The following ZFYVE16 variants were observed in gnomAD, a reference collection of about 807,000 sequenced individuals.
ZFYVE16 encodes the protein zinc finger FYVE-type containing 16, also known as zinc finger FYVE domain-containing protein 16.
Under a neutral mutation model 138.1 loss-of-function variants are expected in ZFYVE16, and 89 were observed. The observed-to-expected ratio is 0.64, with a 90% CI of 0.54 to 0.77. ZFYVE16 has a LOEUF of 0.77. Among genes scored for constraint, ZFYVE16 ranks in the 30% least tolerant of loss-of-function variants. ZFYVE16 has a pLI of 0.00. For synonymous variants in ZFYVE16, 596 were observed against 618.3 expected (o/e 0.96, Z 0.53); for missense variants, 1,793 against 1,786.7 (o/e 1.00, Z -0.06).
At chr5:80,451,918 C>A in intron 11 of ZFYVE16, 3 of 480,986 alleles carry the variant, frequency 6.2e-6, no homozygotes, top group Non-Finnish European at 1.1e-5. Flanking sequence ...TTCATAAGTT[C>A]TTTTATTACC....
chr5:80,469,094 CT>C lies in ZFYVE16; in HGVS notation c.4025-3651del, dbSNP rs60001690. ...TTCTTCTTATTTCTTTTCTTTCTCT[CT>C]TTTTTTTTTTTTTTTGAGACTCATT... On this transcript the variant is annotated intron_variant, in intron 15 of 18. Coordinates refer to ENST00000505560, the MANE Select transcript of ZFYVE16 (RefSeq NM_001284236.3). 4.1e-3 allele frequency among the ~76,000 whole-genome samples: 564 copies of C among 136,552 alleles called. 1 individual carries two copies. The highest frequency in any genetic ancestry group is 0.01 in the African/African-American group (374 of 36,352). 89.6% of individuals were successfully genotyped at this position (136,552 alleles called of 152,430 possible). A position where few individuals can be genotyped will look rare whatever the true frequency, so the allele number is the denominator to read the frequency against.
chr5:80,441,639 A>G (rs1317138593), intron 5 of ZFYVE16: 1 of 984,576 alleles, frequency 1.0e-6, no homozygotes, highest in Non-Finnish European at 1.2e-6. Context: ...GAGATTGTAG[A>G]TAATGAGAAA....
intron 1 of ZFYVE16, among the ~76,000 whole-genome samples, chr5:80,417,201 A>C (rs1746382767): frequency 6.6e-6 from 1 of 152,208 alleles, no homozygotes; most frequent in Non-Finnish European, 1.5e-5. Flanking sequence ...TTTATCAACT[A>C]GGGTAGAGTG....
In ZFYVE16 at chr5:80,433,280, A is replaced by C. The variant is rs189471163; in HGVS notation, c.-39-829A>C. ...CCATAAAAGAGGATGAGTTCATGTCATTTGTAGGGACATGGATGAAGCTGG... is the reference window on the plus strand; with the variant it reads ...CCATAAAAGAGGATGAGTTCATGTCCTTTGTAGGGACATGGATGAAGCTGG... On this transcript the variant is annotated intron_variant, in intron 2 of 18. Transcript: ENST00000505560. Among the ~76,000 whole-genome samples the C allele has an allele frequency of 6.7e-3, 1,023 of 152,264 alleles. 10 individuals are homozygous for C. The highest frequency in any genetic ancestry group is 0.022 in the African/African-American group (894 of 41,556).
At chr5:80,457,959 G>A (rs1051635248) in intron 14 of ZFYVE16, among the ~76,000 whole-genome samples, 1 of 151,092 alleles carries the variant, frequency 6.6e-6, no homozygotes, top group Non-Finnish European at 1.5e-5. Flanking sequence ...CCGGGAGGCG[G>A]AGCTTGCAGT....
Position 80,424,055 on chromosome 5 carries a change from C to T in ZFYVE16, c.-93-3437C>T, listed in dbSNP as rs184119251. ...CCACCTCCCAGGTTCAAGTGATTCT[C>T]CTGCCTCAGCCTCCCGAGTAGCTGA... On this transcript the variant is annotated intron_variant, in intron 1 of 18. Coordinates refer to ENST00000505560, the MANE Select transcript of ZFYVE16 (RefSeq NM_001284236.3). Among the ~76,000 whole-genome samples, 948 of 151,580 alleles carry T rather than the reference C, an allele frequency of 6.3e-3. 10 individuals are homozygous for T. Among genetic ancestry groups the T allele is most frequent in the African/African-American group, 0.021 (874 of 41,310 alleles).
At chr5:80,420,908 A>G (rs1307163259) in intron 1 of ZFYVE16, among the ~76,000 whole-genome samples, 2 of 152,186 alleles carry the variant, frequency 1.3e-5, no homozygotes, top group Non-Finnish European at 2.9e-5. Flanking sequence ...TTACAGTCCC[A>G]CCAACAGTGT....
chr5:80,449,501 C>A, intron 8 of ZFYVE16, 90 bp from the exon 9 acceptor site: 1 of 1,334,352 alleles, frequency 7.5e-7, no homozygotes, highest in Non-Finnish European at 1.0e-6. Context: ...TTGATCAGGC[C>A]ACTGGTGGAT....
Position 80,480,791 on chromosome 5 carries a change from C to T in ZFYVE16, c.*3414C>T, listed in dbSNP as rs932488644. 1.3e-5 allele frequency among the ~76,000 whole-genome samples: 2 copies of T among 152,020 alleles called. No homozygotes were observed. Among genetic ancestry groups the T allele is most frequent in the African/African-American group, 4.8e-5 (2 of 41,364 alleles). On this transcript the variant is annotated 3_prime_UTR_variant, in exon 19 of 19. Coordinates refer to ENST00000505560, the MANE Select transcript of ZFYVE16 (RefSeq NM_001284236.3). ...AAAAATTTTGCCAGGTGTGGTGGCT[C>T]ATACTTGTGGTCCCAGCTTCACGGG...
chr5:80,438,682 A>G lies in ZFYVE16; in HGVS notation c.1997A>G (p.Asn666Ser), dbSNP rs1478855129. The change falls in exon 4 of 19, where the codon AAT (asparagine) becomes AGT (serine). Residue 666 changes from asparagine to serine, a missense_variant. Transcript: ENST00000505560. ...AGAACAAGGAGTTCAAAGGACCTGA[A>G]TAAGCCAGATGTTCCAGATACAATA... is the stretch of plus-strand genomic sequence containing the variant. ...PSRTRSSKDL[N>S]KPDVPDTIES... The G allele has an allele frequency of 6.2e-7, 1 of 1,614,158 alleles. No individual in the cohort carries two copies. The highest frequency in any genetic ancestry group is 1.7e-5 in the Admixed American group (1 of 60,020).
intron 2 of ZFYVE16, among the ~76,000 whole-genome samples, chr5:80,429,518 C>A (rs894392712): frequency 2.0e-5 from 3 of 152,160 alleles, no homozygotes; most frequent in Non-Finnish European, 4.4e-5. Flanking sequence ...TAAAGACCAT[C>A]GATGCTAGGA....
At chr5:80,472,482 T>C (rs1160408579) in intron 15 of ZFYVE16, among the ~76,000 whole-genome samples, 1 of 151,964 alleles carries the variant, frequency 6.6e-6, no homozygotes, top group African/African-American at 2.4e-5. Flanking sequence ...TCATACATTT[T>C]GTCTAGTCTT....
rs887177892 is a variant in ZFYVE16 at position 80,478,051 on chromosome 5, G to A, written c.*674G>A. The A allele has an allele frequency of 2.6e-5, 4 of 151,920 alleles. No homozygotes were observed. Among genetic ancestry groups the A allele is most frequent in the Admixed American group, 2.6e-4 (4 of 15,256 alleles). The allele number at this position is 151,920 out of a possible 1,614,324, so 9.4% of individuals were successfully genotyped here. On this transcript the variant is annotated 3_prime_UTR_variant, in exon 19 of 19. Transcript: ENST00000505560. ...ATTAAAATAATTGCGGGTGCTTCAG[G>A]ACTTTTTGCTTCTATATTTAAGTAT...
intron 14 of ZFYVE16, 77 bp from the exon 15 acceptor site, chr5:80,459,337 C>G: frequency 1.4e-5 from 17 of 1,248,874 alleles, no homozygotes; most frequent in Non-Finnish European, 2.0e-5. Flanking sequence ...ATATGCATAT[C>G]CACATTCTGC....
chr5:80,438,172 G>T lies in ZFYVE16; in HGVS notation c.1487G>T (p.Cys496Phe), dbSNP rs757572671. 1.9e-6 allele frequency: 3 copies of T among 1,613,900 alleles called. No homozygotes were observed. Among genetic ancestry groups the T allele is most frequent in the Non-Finnish European group, 2.5e-6 (3 of 1,179,922 alleles). Residue 496 changes from cysteine (C) to phenylalanine (F), a missense_variant, in exon 4 of 19, where the codon TGT becomes TTT. By Grantham distance (205) the Cys-to-Phe change is radical. Around this residue, in one of 2 missense-constraint regions of ZFYVE16, gnomAD observed 1,295 missense variants for 1,204.3 expected, o/e 1.08. Transcript: ENST00000505560. Reference sequence around the variant, plus strand: ...CATGTCCCAGAGTCTTCTGATTGTTGTGAAGGTTTTATTAATACTTTTTCA... The same window carrying T: ...CATGTCCCAGAGTCTTCTGATTGTTTTGAAGGTTTTATTAATACTTTTTCA... ...GTHVPESSDC[C>F]EGFINTFSSN... is the part of the protein sequence containing the mutation.
intron 17 of ZFYVE16, 145 bp downstream of exon 17, chr5:80,474,004 C>T (rs1260980164): frequency 5.1e-6 from 3 of 588,160 alleles, no homozygotes; most frequent in Non-Finnish European, 8.6e-6. Flanking sequence ...CATTTCCACC[C>T]CAGAATTTTA....
rs372378970 is a variant in ZFYVE16 at position 80,448,275 on chromosome 5, A to G, written c.2974A>G (p.Ile992Val). The G allele has an allele frequency of 5.6e-5, 90 of 1,613,560 alleles. No homozygotes were observed. Among genetic ancestry groups the G allele is most frequent in the Non-Finnish European group, 7.1e-5 (84 of 1,179,936 alleles). Reference protein sequence around the residue: ...TGVLVNSNLPIASISDYRLLC... With the variant: ...TGVLVNSNLPVASISDYRLLC... ...TGTCTTAGTTAACAGCAATTTACCTATTGCTAGTATTTCAGATTATAGGTT... is the reference window on the plus strand; with the variant it reads ...TGTCTTAGTTAACAGCAATTTACCTGTTGCTAGTATTTCAGATTATAGGTT... Residue 992 changes from isoleucine to valine, a missense_variant, in exon 8 of 19, where the codon ATT becomes GTT. By Grantham distance (29) the Ile-to-Val change is conservative. Coordinates refer to ENST00000505560, the MANE Select transcript of ZFYVE16 (RefSeq NM_001284236.3).
chr5:80,453,747 C>T (rs768093369), intron 11 of ZFYVE16, among the ~76,000 whole-genome samples: 28 of 152,040 alleles, frequency 1.8e-4, no homozygotes, highest in Non-Finnish European at 2.8e-4. Context: ...AGGTAATGTA[C>T]ATTTGAAAAA....
At chr5:80,424,247 T>C (rs1369007209) in intron 1 of ZFYVE16, among the ~76,000 whole-genome samples, 5 of 152,168 alleles carry the variant, frequency 3.3e-5, no homozygotes, top group Admixed American at 2.0e-4. Flanking sequence ...GCTGTCACTG[T>C]CCCTTAAACA....
Sources: allele counts gnomAD v4.1 joint callset (sites outside exome capture counted in the v4.1 genomes callset), GRCh38; gene constraint gnomAD v4.1.1; regional missense constraint gnomAD v4.1.1; transcripts MANE v1.5; gene names NCBI Gene and HGNC (gene_info 2026-07-23, HGNC 2026-07-21).